Variants in KAT6A observed in about 807,000 individuals in gnomAD.
KAT6A encodes lysine acetyltransferase 6A, also known as histone acetyltransferase KAT6A.
A neutral mutation model predicts 198.4 loss-of-function variants in KAT6A; 9 were observed. The ratio of observed to expected loss-of-function variants is 0.05; its 90% CI spans 0.03 to 0.08. The LOEUF is 0.08. Among genes scored for constraint, KAT6A ranks in the 10% least tolerant of loss-of-function variants. The probability of loss-of-function intolerance (pLI) is 1.00; values close to 1 mark genes in which losing one functional copy is unlikely to be tolerated. For synonymous variants in KAT6A, 890 were observed against 883.0 expected (o/e 1.01, Z -0.14); for missense variants, 2,077 against 2,509.9 (o/e 0.83, Z 3.69).
intron 2 of KAT6A, among the ~76,000 whole-genome samples, chr8:42,009,774 C>T (rs1256344915): frequency 6.6e-6 from 1 of 150,764 alleles, no homozygotes; most frequent in African/African-American, 2.4e-5. Flanking sequence ...GTGACATGCA[C>T]CTGTGGTCCC....
Position 42,048,243 on chromosome 8 carries a change from A to G in KAT6A, c.600+135T>C, listed in dbSNP as rs1802414737. 3.7e-6 allele frequency: 3 copies of G among 815,168 alleles called. No individual in the cohort carries two copies. In the Admixed American group the frequency reaches 7.2e-5, roughly 20 times the overall value. The allele number at this position is 815,168 out of a possible 1,614,324, so 50.5% of individuals were successfully genotyped here. On this transcript the variant is annotated intron_variant, in intron 2 of 16. Transcript: ENST00000265713. Reference sequence around the variant, plus strand: ...TATGAAGCTCTCATAGCTACAACTCACCAATAAAAAACCAGAGGTGATCAC... The same window carrying G: ...TATGAAGCTCTCATAGCTACAACTCGCCAATAAAAAACCAGAGGTGATCAC...
intron 3 of KAT6A, among the ~76,000 whole-genome samples, chr8:41,984,557 T>C (rs540885697): frequency 2.8e-4 from 42 of 152,186 alleles, no homozygotes; most frequent in Non-Finnish European, 1.3e-4. Context: ...AACTCCCAAA[T>C]TCCTGACCTA....
At chr8:42,016,274 A>C (rs1826267865) in intron 2 of KAT6A, among the ~76,000 whole-genome samples, 1 of 152,190 alleles carries the variant, frequency 6.6e-6, no homozygotes, top group Admixed American at 6.5e-5. Flanking sequence ...CACATTCAGG[A>C]ACTGCGTGCC....
At chr8:42,005,014 A>G (rs1825672746) in intron 2 of KAT6A, among the ~76,000 whole-genome samples, 3 of 152,050 alleles carry the variant, frequency 2.0e-5, no homozygotes, top group African/African-American at 7.2e-5. Context: ...TGCTTAGCAG[A>G]TTACATCTGA....
intron 3 of KAT6A, among the ~76,000 whole-genome samples, chr8:41,983,444 T>C (rs1478921027): frequency 2.0e-5 from 3 of 152,222 alleles, no homozygotes; most frequent in Non-Finnish European, 4.4e-5. Context: ...TGACTGTAAT[T>C]TTAGCAAACA....
chr8:42,014,649 G>C (rs965586172), intron 2 of KAT6A, among the ~76,000 whole-genome samples: 7 of 152,170 alleles, frequency 4.6e-5, no homozygotes, highest in Non-Finnish European at 8.8e-5. Flanking sequence ...GGGCTAAAGA[G>C]AAGCAAGGAA....
Position 41,974,701 on chromosome 8 carries a change from T to A in KAT6A, c.1482+3A>T. 6.4e-7 allele frequency: 1 copy of A among 1,563,274 alleles called. No homozygotes were observed. Among genetic ancestry groups the A allele is most frequent in the Non-Finnish European group, 8.8e-7 (1 of 1,137,138 alleles). On this transcript the variant is annotated splice_donor_region_variant and intron_variant, in intron 8 of 16. Coordinates refer to ENST00000265713, the MANE Select transcript of KAT6A (RefSeq NM_006766.5). ...ATTGTCTAACCTGAATATCCAACTT[T>A]ACCTGCAGTGCTTGTTCTTGGATAT...
At chr8:42,005,904 T>A (rs558714561) in intron 2 of KAT6A, among the ~76,000 whole-genome samples, 5 of 152,164 alleles carry the variant, frequency 3.3e-5, no homozygotes, top group African/African-American at 1.2e-4. Context: ...CCAGAAGCAA[T>A]GACTCCCTTC....
intron 2 of KAT6A, among the ~76,000 whole-genome samples, chr8:42,047,958 C>G (rs1345021483): frequency 6.6e-6 from 1 of 151,872 alleles, no homozygotes; most frequent in Non-Finnish European, 1.5e-5. Context: ...TCAGAGTCAT[C>G]TGCTTGTTTC....
intron 2 of KAT6A, among the ~76,000 whole-genome samples, chr8:42,031,223 T>C (rs1827107423): frequency 6.6e-6 from 1 of 152,244 alleles, no homozygotes; most frequent in African/African-American, 2.4e-5. Context: ...TTTTGAATTT[T>C]ACACAGTGAT....
chr8:41,931,505 C>A lies in KAT6A; in HGVS notation c.*700G>T, dbSNP rs142196244. ...AATTATATTACACTTGATTCAAGAA[C>A]AACAAAGATTTCAATGAAGTCCGTC... is the stretch of plus-strand genomic sequence containing the variant. On this transcript the variant is annotated 3_prime_UTR_variant, in exon 17 of 17. Coordinates refer to ENST00000265713, the MANE Select transcript of KAT6A (RefSeq NM_006766.5). 9 of 207,628 alleles carry A rather than the reference C, an allele frequency of 4.3e-5. No homozygotes were observed. The South Asian group carries it at 1.5e-3, about 35-fold the overall frequency. The allele number at this position is 207,628 out of a possible 1,614,324, so 12.9% of individuals were successfully genotyped here.
At chr8:42,029,231 A>G (rs1826988338) in intron 2 of KAT6A, among the ~76,000 whole-genome samples, 2 of 152,148 alleles carry the variant, frequency 1.3e-5, no homozygotes, top group South Asian at 4.1e-4. Context: ...TCTTTGTGAC[A>G]GTTTGACTAT....
intron 2 of KAT6A, among the ~76,000 whole-genome samples, chr8:42,042,277 T>A (rs537077117): frequency 1.3e-5 from 2 of 151,998 alleles, no homozygotes; most frequent in Non-Finnish European, 2.9e-5. Context: ...GCCAACCTGG[T>A]GAAACCCCAT....
At chr8:42,013,043 G>A (rs1246998280) in intron 2 of KAT6A, among the ~76,000 whole-genome samples, 1 of 151,668 alleles carries the variant, frequency 6.6e-6, no homozygotes, top group East Asian at 1.9e-4. Flanking sequence ...GCCAGGGTTG[G>A]GGGAGGGTGA....
chr8:42,047,035 CA>C (rs1802348132), intron 2 of KAT6A, among the ~76,000 whole-genome samples: 2 of 152,266 alleles, frequency 1.3e-5, no homozygotes, highest in Non-Finnish European at 2.9e-5. Flanking sequence ...GCTAATAATA[CA>C]ACAAATTGAG....
chr8:42,031,723 G>A (rs150811470), intron 2 of KAT6A, among the ~76,000 whole-genome samples: 2 of 145,418 alleles, frequency 1.4e-5, no homozygotes, highest in Non-Finnish European at 3.0e-5. Context: ...TCCACCTCCC[G>A]GGTTCAAGCA....
intron 8 of KAT6A, among the ~76,000 whole-genome samples, chr8:41,969,084 C>A (rs547688145): frequency 6.6e-6 from 1 of 152,230 alleles, no homozygotes; most frequent in South Asian, 2.1e-4. Flanking sequence ...TAGCCCCTCC[C>A]CGTACCATAG....
At chr8:41,936,968 A>G (rs192725088) in intron 16 of KAT6A, among the ~76,000 whole-genome samples, 1 of 152,360 alleles carries the variant, frequency 6.6e-6, no homozygotes. Flanking sequence ...CCCATTAACT[A>G]AAGATTCTGA....
chr8:41,987,135 T>A (rs1054123391), intron 3 of KAT6A, among the ~76,000 whole-genome samples: 17 of 152,242 alleles, frequency 1.1e-4, no homozygotes, highest in Admixed American at 9.8e-4. Flanking sequence ...TAGATATGTT[T>A]AGATACACAA....
Sources: gnomAD v4.1 joint callset for allele counts (sites outside exome capture counted in the v4.1 genomes callset) on GRCh38, gnomAD v4.1.1 for gene constraint, MANE v1.5 for transcripts, NCBI Gene and HGNC (gene_info 2026-07-23, HGNC 2026-07-21) for gene names.